The following ERCC1 variants were observed in gnomAD, a reference collection of about 807,000 sequenced individuals.
ERCC1 encodes the protein ERCC excision repair 1, endonuclease non-catalytic subunit, also known as DNA excision repair protein ERCC-1.
Under a neutral mutation model 37.6 loss-of-function variants are expected in ERCC1, and 36 were observed. That is an observed-to-expected ratio of 0.96 (90% CI 0.73 to 1.26). The LOEUF (loss-of-function observed/expected upper bound fraction) is 1.26, where lower values mean the gene tolerates loss of function less well. Ranked by LOEUF, ERCC1 falls within the 50% of genes most tolerant of loss-of-function variation. The pLI is 0.00. For missense variants in ERCC1, 349 were observed against 376.5 expected, an observed-to-expected ratio of 0.93 and a Z score of 0.60; for synonymous variants, 156 against 162.1, an observed-to-expected ratio of 0.96 and a Z score of 0.28.
intron 1 of ERCC1, among the ~76,000 whole-genome samples, chr19:45,447,134 A>G (rs905488149): frequency 1.3e-5 from 2 of 152,160 alleles, no homozygotes; most frequent in Admixed American, 6.6e-5. Context: ...CCCACATCCA[A>G]TCACGGCCTA....
Position 45,408,074 on chromosome 19 carries a change from A to C in ERCC1, c.*1601T>G. 6.6e-7 allele frequency: 1 copy of C among 1,508,546 alleles called. No homozygotes were observed. The allele number at this position is 1,508,546 out of a possible 1,614,324, so 93.4% of individuals were successfully genotyped here. ...CTCAAAAAAAAACAAAAAAAAAATCAAAAAACCTTCCCTCTCCTGTTCCAC... is the reference window on the plus strand; with the variant it reads ...CTCAAAAAAAAACAAAAAAAAAATCCAAAAACCTTCCCTCTCCTGTTCCAC... On this transcript the variant is annotated 3_prime_UTR_variant, in exon 10 of 10. Transcript: ENST00000300853.
Position 45,423,577 on chromosome 19 carries a change from A to G in ERCC1, c.-7-196T>C, listed in dbSNP as rs561648705. The G allele has an allele frequency of 4.5e-4, 641 of 1,416,870 alleles. 2 individuals are homozygous for G. In the African/African-American group the frequency reaches 8.0e-3, roughly 18 times the overall value. The allele number at this position is 1,416,870 out of a possible 1,614,324, so 87.8% of individuals were successfully genotyped here. On this transcript the variant is annotated intron_variant, in intron 1 of 9. Transcript: ENST00000300853. Reference sequence around the variant, plus strand: ...ACCTTCGGCTCGCCCCGCCCCTTACAGGTCCACAAGTCCCATCGCTCCGCC... The same window carrying G: ...ACCTTCGGCTCGCCCCGCCCCTTACGGGTCCACAAGTCCCATCGCTCCGCC...
rs3212932 is a variant in ERCC1, at chr19:45,423,900, A to G, written c.-127T>C. On this transcript the variant is annotated 5_prime_UTR_variant, in exon 1 of 10. Transcript: ENST00000300853. ...ACTGCCAGCACGGCCAGCGTGGCCCAGGGCTCGCAGCACTTCCGGCCTCTC... is the reference window on the plus strand; with the variant it reads ...ACTGCCAGCACGGCCAGCGTGGCCCGGGGCTCGCAGCACTTCCGGCCTCTC... The G allele has an allele frequency of 3.8e-3, 4,141 of 1,103,560 alleles. 124 individuals are homozygous for G. In the African/African-American group the frequency reaches 0.057, roughly 15 times the overall value. The allele number at this position is 1,103,560 out of a possible 1,614,324, so 68.4% of individuals were successfully genotyped here.
In ERCC1 at chr19:45,408,151, G is replaced by A. The variant is rs1480872178; in HGVS notation, c.*1524C>T. On this transcript the variant is annotated 3_prime_UTR_variant, in exon 10 of 10. Coordinates refer to ENST00000300853, the MANE Select transcript of ERCC1 (RefSeq NM_001983.4). Reference sequence around the variant, plus strand: ...TCTGTAGCTTCAATGGGCGGCATGTGCCTCTCTCTGGCTCCCAGATCGTCA... The same window carrying A: ...TCTGTAGCTTCAATGGGCGGCATGTACCTCTCTCTGGCTCCCAGATCGTCA... 6.2e-7 allele frequency: 1 copy of A among 1,603,400 alleles called. No homozygotes were observed. Among genetic ancestry groups the A allele is most frequent in the East Asian group, 2.2e-5 (1 of 44,620 alleles).
chr19:45,414,796 T>G (rs563616108), intron 7 of ERCC1, 65 bp downstream of exon 7: 1 of 1,163,560 alleles, frequency 8.6e-7, no homozygotes, highest in Admixed American at 1.7e-5. Flanking sequence ...AAATTGGAAC[T>G]GAAGCTCAAC....
chr19:45,439,192 CA>C (rs1224058183), intron 1 of ERCC1, among the ~76,000 whole-genome samples: 2 of 151,868 alleles, frequency 1.3e-5, no homozygotes, highest in African/African-American at 4.8e-5. Context: ...TCTCAAAAAA[CA>C]AAAACAAACA....
At position 45,420,892 on chromosome 19, in the gene ERCC1, G is replaced by A. The variant is rs1974376850; in HGVS notation, c.321+286C>T. 6.6e-6 allele frequency among the ~76,000 whole-genome samples: 1 copy of A among 152,074 alleles called. No individual in the cohort carries two copies. The highest frequency in any genetic ancestry group is 2.4e-5 in the African/African-American group (1 of 41,416). On this transcript the variant is annotated intron_variant, in intron 3 of 9. Coordinates refer to ENST00000300853, the MANE Select transcript of ERCC1 (RefSeq NM_001983.4). The surrounding 1 kb of genome is among the most constrained non-coding windows in gnomAD (Gnocchi z 4.8). ...CCTGCCTCAGCCTCTCCAAAGTGCT[G>A]GGATTACAGGTGTGAGCCACCACAC...
chr19:45,411,692 G>C (rs971317456), intron 9 of ERCC1, among the ~76,000 whole-genome samples: 3 of 151,946 alleles, frequency 2.0e-5, no homozygotes, highest in African/African-American at 7.2e-5. Flanking sequence ...TACTCAGGAG[G>C]CTGAGGCAGG....
chr19:45,444,595 C>A (rs1369097632), intron 1 of ERCC1, among the ~76,000 whole-genome samples: 2 of 152,154 alleles, frequency 1.3e-5, no homozygotes, highest in African/African-American at 4.8e-5. Flanking sequence ...TGAGGCGCAG[C>A]AAAGAGGAGA....
chr19:45,432,726 G>T, intron 1 of ERCC1, among the ~76,000 whole-genome samples: 1 of 152,130 alleles, frequency 6.6e-6, no homozygotes, highest in East Asian at 1.9e-4. Context: ...TATTTTTGTA[G>T]AGACGGGGTC....
At chr19:45,421,459 G>C in intron 2 of ERCC1, 66 bp from the exon 3 acceptor site, 1 of 1,144,848 alleles carries the variant, frequency 8.7e-7, no homozygotes, top group Non-Finnish European at 1.3e-6. Context: ...GAGGCCCTGT[G>C]AGTTCCTCTC....
chr19:45,421,177 C>A lies in ERCC1; in HGVS notation c.321+1G>T. 1 of 1,613,830 alleles carries A rather than the reference C, an allele frequency of 6.2e-7. No individual in the cohort carries two copies. Among genetic ancestry groups the A allele is most frequent in the Non-Finnish European group, 8.5e-7 (1 of 1,179,786 alleles). On this transcript the variant is annotated splice_donor_variant, in intron 3 of 9. Transcript: ENST00000300853. LOFTEE classifies it high-confidence loss of function. ...CCTCACTTCTCCGTCTCCCTCCTCACCTGCCGAGGGCTCACAATGATGCTG... is the reference window on the plus strand; with the variant it reads ...CCTCACTTCTCCGTCTCCCTCCTCAACTGCCGAGGGCTCACAATGATGCTG...
At chr19:45,447,874 A>G (rs1199790864) in intron 1 of ERCC1, among the ~76,000 whole-genome samples, 1 of 142,726 alleles carries the variant, frequency 7.0e-6, no homozygotes, top group East Asian at 2.1e-4. Context: ...TTTCTCTGAG[A>G]TTTTTTTTTT....
chr19:45,440,076 C>T (rs1171599893), intron 1 of ERCC1, among the ~76,000 whole-genome samples: 1 of 152,146 alleles, frequency 6.6e-6, no homozygotes, highest in Admixed American at 6.5e-5. Context: ...GCCGCTGTCC[C>T]CAGCGCACCC....
rs1469020258 is a variant in ERCC1 at position 45,408,560 on chromosome 19, G to A, written c.*1115C>T. The stretch of plus-strand genomic sequence containing the variant: ...GGCAGTGAATGGGCACGGGGCCCTG[G>A]AGGTGGACATGGCTTTGGGGTCGCC... On this transcript the variant is annotated 3_prime_UTR_variant, in exon 10 of 10. Transcript: ENST00000300853. 1 of 1,614,000 alleles carries A rather than the reference G, an allele frequency of 6.2e-7. No homozygotes were observed. The highest frequency in any genetic ancestry group is 1.7e-5 in the Admixed American group (1 of 60,020).
At chr19:45,419,001 T>A in intron 5 of ERCC1, 97 bp downstream of exon 5, 1 of 845,092 alleles carries the variant, frequency 1.2e-6, no homozygotes, top group South Asian at 1.4e-5. Context: ...CGTTCCTCGC[T>A]GAGGTTTTAG....
Position 45,408,635 on chromosome 19 carries a change from G to A in ERCC1, c.*1040C>T, listed in dbSNP as rs575933606. On this transcript the variant is annotated 3_prime_UTR_variant, in exon 10 of 10. Coordinates refer to ENST00000300853, the MANE Select transcript of ERCC1 (RefSeq NM_001983.4). Reference sequence around the variant, plus strand: ...GAAGAAAAAAAATCAGCAGCTGAAAGAACCAGAGGCAGCAGGGCCTGTGGG... The same window carrying A: ...GAAGAAAAAAAATCAGCAGCTGAAAAAACCAGAGGCAGCAGGGCCTGTGGG... The A allele has an allele frequency of 8.7e-6, 14 of 1,613,828 alleles. No individual in the cohort carries two copies. The East Asian group carries it at 3.1e-4, about 36-fold the overall frequency.
chr19:45,426,756 C>G (rs913294849), upstream of ERCC1, among the ~76,000 whole-genome samples: 1 of 151,460 alleles, frequency 6.6e-6, no homozygotes, highest in Admixed American at 6.6e-5. Flanking sequence ...CTCCAGAGTT[C>G]AAGACCAGCC....
intron 9 of ERCC1, among the ~76,000 whole-genome samples, chr19:45,411,011 A>G (rs1973703526): frequency 6.6e-6 from 1 of 152,070 alleles, no homozygotes; most frequent in African/African-American, 2.4e-5. Flanking sequence ...TTTAGTAGAG[A>G]CAAGGTTTCA....
Sources: gnomAD v4.1 joint callset for allele counts (sites outside exome capture counted in the v4.1 genomes callset) on GRCh38, gnomAD v4.1.1 for gene constraint, Gnocchi (gnomAD v3.1) non-coding constraint, MANE v1.5 for transcripts, NCBI Gene and HGNC (gene_info 2026-07-23, HGNC 2026-07-21) for gene names.